DPP10: variants seen among roughly 807,000 people sequenced by gnomAD.
DPP10 encodes dipeptidyl peptidase like 10.
A neutral mutation model predicts 120.9 loss-of-function variants in DPP10; 33 were observed. The observed-to-expected ratio is 0.27, with a 90% CI of 0.21 to 0.37. DPP10 has a LOEUF of 0.37. Among genes scored for constraint, DPP10 ranks in the 10% least tolerant of loss-of-function variants. The probability of loss-of-function intolerance (pLI) is 1.00; values close to 1 mark genes in which losing one functional copy is unlikely to be tolerated. For missense variants in DPP10, 816 were observed against 942.8 expected (o/e 0.87, Z 1.76); for synonymous variants, 337 against 326.1 (o/e 1.03, Z -0.36).
Position 114,514,748 on chromosome 2 carries a change from T to A in DPP10, c.60+71910T>A, listed in dbSNP as rs77973810. Among the ~76,000 whole-genome samples the A allele has an allele frequency of 1.5e-3, 233 of 151,080 alleles. 1 individual carries two copies. In the East Asian group the frequency reaches 0.038, roughly 25 times the overall value. On this transcript the variant is annotated intron_variant, in intron 1 of 25. Transcript: ENST00000410059. ...AGATTTGTGTACCACCTGTGATAAC[T>A]GGGAAAGATCTTTTTTTTCTGGTTT...
intron 3 of DPP10, among the ~76,000 whole-genome samples, chr2:115,365,637 C>G (rs556954619): frequency 1.3e-5 from 2 of 151,932 alleles, no homozygotes; most frequent in South Asian, 4.2e-4. Context: ...AAGTCAAAAC[C>G]AGAAAGCGTT....
chr2:115,423,849 A>AT (rs1284232012), intron 3 of DPP10, among the ~76,000 whole-genome samples: 4 of 151,920 alleles, frequency 2.6e-5, no homozygotes, highest in South Asian at 2.1e-4. Flanking sequence ...TCTATTTGCT[A>AT]TTTTTTTTCT....
At chr2:114,505,966 C>T (rs1276512751) in intron 1 of DPP10, among the ~76,000 whole-genome samples, 1 of 152,190 alleles carries the variant, frequency 6.6e-6, no homozygotes, top group Non-Finnish European at 1.5e-5. Flanking sequence ...CAAAGCAGTC[C>T]TGGCTCCTGG....
At chr2:115,044,823 G>C (rs761622335) in intron 1 of DPP10, among the ~76,000 whole-genome samples, 1 of 151,974 alleles carries the variant, frequency 6.6e-6, no homozygotes, top group Non-Finnish European at 1.5e-5. Context: ...ATCTCCATAG[G>C]TTCAATTGTT....
At chr2:114,774,067 A>C (rs1681508501) in intron 1 of DPP10, among the ~76,000 whole-genome samples, 1 of 152,120 alleles carries the variant, frequency 6.6e-6, no homozygotes, top group Non-Finnish European at 1.5e-5. Flanking sequence ...ATAGAAAGTG[A>C]ATACTAGTAA....
chr2:115,395,340 A>C (rs1298836459), intron 3 of DPP10, among the ~76,000 whole-genome samples: 1 of 152,116 alleles, frequency 6.6e-6, no homozygotes, highest in Non-Finnish European at 1.5e-5. Flanking sequence ...CACCCTAATG[A>C]CCTAATTTTA....
intron 1 of DPP10, among the ~76,000 whole-genome samples, chr2:114,967,089 G>C (rs977330244): frequency 6.6e-6 from 1 of 152,016 alleles, no homozygotes; most frequent in African/African-American, 2.4e-5. Context: ...AGAGAAAGTG[G>C]AGACAGCAGG....
chr2:115,123,333 C>T (rs1376643313), intron 1 of DPP10, among the ~76,000 whole-genome samples: 1 of 152,174 alleles, frequency 6.6e-6, no homozygotes, highest in Non-Finnish European at 1.5e-5. Context: ...GTTTCAAATA[C>T]TGGCATGGTT....
intron 8 of DPP10, among the ~76,000 whole-genome samples, chr2:115,734,340 A>G (rs986547038): frequency 2.0e-5 from 3 of 152,102 alleles, no homozygotes; most frequent in Non-Finnish European, 4.4e-5. Context: ...GTATCTTTGT[A>G]TCTTCAAATC....
chr2:115,168,573 A>G (rs1350922508), intron 1 of DPP10, among the ~76,000 whole-genome samples: 1 of 152,204 alleles, frequency 6.6e-6, no homozygotes, highest in Non-Finnish European at 1.5e-5. Flanking sequence ...TTTTCTGGCA[A>G]TAACCAATCT....
At chr2:115,841,247 C>T (rs1690113657) in intron 25 of DPP10, among the ~76,000 whole-genome samples, 1 of 151,398 alleles carries the variant, frequency 6.6e-6, no homozygotes, top group Non-Finnish European at 1.5e-5. Context: ...TTATAATTCT[C>T]ATAATAAATA....
chr2:115,379,235 T>C (rs539506230), intron 3 of DPP10, among the ~76,000 whole-genome samples: 53 of 152,322 alleles, frequency 3.5e-4, no homozygotes, highest in South Asian at 8.3e-4. Context: ...TCAGATCCTG[T>C]TATTGGTCTA....
At chr2:115,136,302 TG>T (rs2050649376) in intron 1 of DPP10, among the ~76,000 whole-genome samples, 1 of 152,180 alleles carries the variant, frequency 6.6e-6, no homozygotes, top group Non-Finnish European at 1.5e-5. Context: ...GGTCTATGAA[TG>T]GAAGAGCGCA....
In DPP10 at chr2:114,567,299, C is replaced by T. The variant is rs185859536; in HGVS notation, c.60+124461C>T. Among the ~76,000 whole-genome samples, 63 of 152,296 alleles carry T rather than the reference C, an allele frequency of 4.1e-4. 1 individual carries two copies. Among genetic ancestry groups the T allele is most frequent in the African/African-American group, 1.5e-3 (61 of 41,560 alleles). ...TGAGTATGCTGTCTTACAAATCTCA[C>T]ATCTGCAAAGGGATTTTGCAGATGT... On this transcript the variant is annotated intron_variant, in intron 1 of 25. Coordinates refer to ENST00000410059, the MANE Select transcript of DPP10 (RefSeq NM_020868.6).
chr2:115,455,282 C>T (rs2073434906), intron 3 of DPP10, among the ~76,000 whole-genome samples: 1 of 151,348 alleles, frequency 6.6e-6, no homozygotes, highest in African/African-American at 2.4e-5. Flanking sequence ...TCTAAGTAGG[C>T]TTTTTTTGGA....
chr2:114,713,044 T>A (rs999522552), intron 1 of DPP10, among the ~76,000 whole-genome samples: 4 of 147,592 alleles, frequency 2.7e-5, no homozygotes, highest in African/African-American at 9.9e-5. Flanking sequence ...TGGAGTGCAA[T>A]GGTGTGATCT....
chr2:114,602,803 C>G (rs1692477664), intron 1 of DPP10, among the ~76,000 whole-genome samples: 1 of 151,992 alleles, frequency 6.6e-6, no homozygotes, highest in South Asian at 2.1e-4. Context: ...CCTGCCTACT[C>G]CAGACAACAA....
At chr2:114,965,410 A>T (rs1227576199) in intron 1 of DPP10, among the ~76,000 whole-genome samples, 1 of 152,074 alleles carries the variant, frequency 6.6e-6, no homozygotes, top group Non-Finnish European at 1.5e-5. Flanking sequence ...GAGCTGGATT[A>T]CAAGCCTGAT....
In DPP10 at chr2:114,900,772, G is replaced by A. The variant is rs78196665; in HGVS notation, c.61-408467G>A. On this transcript the variant is annotated intron_variant, in intron 1 of 25. Coordinates refer to ENST00000410059, the MANE Select transcript of DPP10 (RefSeq NM_020868.6). ...TGTGTTTAAGACATATTTTTCAAAT[G>A]TGAAGGTTAAAAGTTCCCCAAAATA... Among the ~76,000 whole-genome samples the A allele has an allele frequency of 8.6e-3, 1,308 of 152,196 alleles. 17 individuals are homozygous for A. Among genetic ancestry groups the A allele is most frequent in the African/African-American group, 0.03 (1,253 of 41,528 alleles).
Sources: allele counts gnomAD v4.1 joint callset (sites outside exome capture counted in the v4.1 genomes callset), GRCh38; gene constraint gnomAD v4.1.1; transcripts MANE v1.5; gene names NCBI Gene and HGNC (gene_info 2026-07-23, HGNC 2026-07-21).